CRPPA: variants seen among roughly 807,000 people sequenced by gnomAD.
CRPPA encodes the protein CDP-L-ribitol pyrophosphorylase A.
Under a neutral mutation model 52.0 loss-of-function variants are expected in CRPPA, and 43 were observed. The ratio of observed to expected loss-of-function variants is 0.83; its 90% CI spans 0.65 to 1.07. The LOEUF (loss-of-function observed/expected upper bound fraction) is 1.07. CRPPA is among the 50% of genes least tolerant of loss of function. CRPPA has a pLI of 0.00. For missense variants in CRPPA, 629 were observed against 551.7 expected (o/e 1.14, Z -1.40); for synonymous variants, 250 against 203.5 (o/e 1.23, Z -1.94).
intron 8 of CRPPA, among the ~76,000 whole-genome samples, chr7:16,235,678 G>T (rs184711103): frequency 6.6e-6 from 1 of 152,156 alleles, no homozygotes; most frequent in Non-Finnish European, 1.5e-5. Flanking sequence ...GTAAAAGAAG[G>T]TATCTTAGAG....
At position 16,406,166 on chromosome 7, in the gene CRPPA, G is replaced by A. The variant is rs747590651; in HGVS notation, c.429C>T (p.Asn143=). The A allele has an allele frequency of 3.7e-6, 6 of 1,613,990 alleles. No homozygotes were observed. Among genetic ancestry groups the A allele is most frequent in the Non-Finnish European group, 5.1e-6 (6 of 1,179,872 alleles). Residue 143 remains asparagine (N), a synonymous_variant, in exon 2 of 10, where the codon AAC becomes AAT. Transcript: ENST00000407010. ...GLKALAEDQI[N]SKLSKPEVVI... is the part of the protein sequence containing the mutation. ...CTACTTCTGGCTTAGAGAGTTTAGA[G>A]TTGATCTGATCTTCTGCCAGTGCTT...
At chr7:16,166,505 C>T (rs1781068463) in intron 9 of CRPPA, among the ~76,000 whole-genome samples, 1 of 152,112 alleles carries the variant, frequency 6.6e-6, no homozygotes, top group African/African-American at 2.4e-5. Context: ...GTCTCGAACT[C>T]CTGACCTCAG....
intron 1 of CRPPA, among the ~76,000 whole-genome samples, chr7:16,417,172 G>C (rs1408854351): frequency 6.6e-6 from 1 of 152,084 alleles, no homozygotes; most frequent in Admixed American, 6.6e-5. Flanking sequence ...AGAGAAAAGG[G>C]GAACACTTAT....
At chr7:16,381,221 T>C (rs965410630) in intron 2 of CRPPA, among the ~76,000 whole-genome samples, 3 of 152,238 alleles carry the variant, frequency 2.0e-5, no homozygotes, top group Non-Finnish European at 2.9e-5. Context: ...AAAGAACATC[T>C]TTATTTCTGC....
At chr7:16,387,625 A>C (rs1359604595) in intron 2 of CRPPA, among the ~76,000 whole-genome samples, 1 of 152,138 alleles carries the variant, frequency 6.6e-6, no homozygotes, top group Non-Finnish European at 1.5e-5. Flanking sequence ...AGACACAAAT[A>C]GTTTGAATTT....
At chr7:16,251,667 C>T (rs910402077) in intron 8 of CRPPA, among the ~76,000 whole-genome samples, 1 of 152,168 alleles carries the variant, frequency 6.6e-6, no homozygotes, top group Non-Finnish European at 1.5e-5. Flanking sequence ...TAAAGATGTT[C>T]TTTGAAACCA....
At chr7:16,309,600 C>T (rs1562623164) in intron 3 of CRPPA, among the ~76,000 whole-genome samples, 1 of 151,998 alleles carries the variant, frequency 6.6e-6, no homozygotes, top group Non-Finnish European at 1.5e-5. Flanking sequence ...ATTTGGTAGA[C>T]TAATTTTTTT....
chr7:16,104,453 C>T (rs1351157424), intron 9 of CRPPA, among the ~76,000 whole-genome samples: 1 of 152,192 alleles, frequency 6.6e-6, no homozygotes, highest in Non-Finnish European at 1.5e-5. Context: ...TGAAATGATG[C>T]TTTTGAGTAC....
At chr7:16,288,800 C>A (rs1472560322) in intron 5 of CRPPA, among the ~76,000 whole-genome samples, 1 of 137,978 alleles carries the variant, frequency 7.2e-6, no homozygotes, top group African/African-American at 2.8e-5. Context: ...GAGCTGATAT[C>A]GCACCACTGC....
chr7:16,416,898 T>C (rs1161906872), intron 1 of CRPPA, among the ~76,000 whole-genome samples: 3 of 152,094 alleles, frequency 2.0e-5, no homozygotes, highest in Admixed American at 2.0e-4. Context: ...AAACAGTTTT[T>C]GCACTCTCAA....
At chr7:16,342,667 C>T (rs1007278167) in intron 3 of CRPPA, among the ~76,000 whole-genome samples, 12 of 148,924 alleles carry the variant, frequency 8.1e-5, no homozygotes, top group Non-Finnish European at 1.8e-4. Flanking sequence ...GTAATGCCAG[C>T]ATTTTGGGAG....
chr7:16,149,340 C>A (rs1404703327), intron 9 of CRPPA, among the ~76,000 whole-genome samples: 1 of 152,172 alleles, frequency 6.6e-6, no homozygotes, highest in Non-Finnish European at 1.5e-5. Context: ...AACATTTTCA[C>A]TTTATCCTGC....
chr7:16,412,557 G>C (rs865795186), intron 1 of CRPPA, among the ~76,000 whole-genome samples: 1 of 152,176 alleles, frequency 6.6e-6, no homozygotes, highest in Non-Finnish European at 1.5e-5. Context: ...TATAAGTACT[G>C]TTTGTATTTC....
intron 9 of CRPPA, among the ~76,000 whole-genome samples, chr7:16,101,908 T>A (rs1440731780): frequency 6.6e-6 from 1 of 152,010 alleles, no homozygotes; most frequent in Non-Finnish European, 1.5e-5. Context: ...TTCAGTGCTA[T>A]CCCCCTCAAG....
At chr7:16,297,088 T>G in intron 5 of CRPPA, among the ~76,000 whole-genome samples, 1 of 152,148 alleles carries the variant, frequency 6.6e-6, no homozygotes, top group East Asian at 1.9e-4. Context: ...AGGTACAAAA[T>G]GGACATATCC....
In CRPPA at chr7:16,342,792, T is replaced by TAGATAG. The variant is rs764068705; in HGVS notation, c.684+33299_684+33300insCTATCT. On this transcript the variant is annotated intron_variant, in intron 3 of 9. Transcript: ENST00000407010. Reference sequence around the variant, plus strand: ...AAAAAAAAAAAAAAAAATATATATATATATATCTATATAGATATATAGATA... The same window carrying TAGATAG: ...AAAAAAAAAAAAAAAAATATATATATAGATAGATATATCTATATAGATATATAGATA... Among the ~76,000 whole-genome samples the TAGATAG allele has an allele frequency of 1.5e-3, 135 of 91,528 alleles. 11 individuals are homozygous for TAGATAG. Among genetic ancestry groups the TAGATAG allele is most frequent in the East Asian group, 4.0e-3 (14 of 3,484 alleles). 60.0% of individuals were successfully genotyped at this position (91,528 alleles called of 152,430 possible).
intron 9 of CRPPA, among the ~76,000 whole-genome samples, chr7:16,095,344 G>A (rs1467170360): frequency 6.6e-6 from 1 of 152,098 alleles, no homozygotes; most frequent in Non-Finnish European, 1.5e-5. Context: ...TGATCTTTGA[G>A]CAAACAGCTG....
intron 5 of CRPPA, among the ~76,000 whole-genome samples, chr7:16,286,037 A>T (rs1583492433): frequency 1.3e-4 from 2 of 15,112 alleles, no homozygotes; most frequent in African/African-American, 1.1e-3. Context: ...AAAAAAAAAA[A>T]AATATAAATA....
At chr7:16,313,492 T>C (rs992263835) in intron 3 of CRPPA, among the ~76,000 whole-genome samples, 3 of 151,972 alleles carry the variant, frequency 2.0e-5, no homozygotes, top group African/African-American at 4.8e-5. Context: ...GAACCAGATT[T>C]TGGTCTGGTA....
Sources: allele counts gnomAD v4.1 joint callset (sites outside exome capture counted in the v4.1 genomes callset), GRCh38; gene constraint gnomAD v4.1.1; transcripts MANE v1.5; gene names NCBI Gene and HGNC (gene_info 2026-07-23, HGNC 2026-07-21).